The following SLC24A2 variants were observed in gnomAD, a reference collection of about 807,000 sequenced individuals.
SLC24A2 encodes the protein sodium/potassium/calcium exchanger 2.
SLC24A2 carries 36 observed loss-of-function variants against 62.0 expected under a neutral mutation model. The ratio of observed to expected loss-of-function variants is 0.58; its 90% CI spans 0.44 to 0.77. The LOEUF (loss-of-function observed/expected upper bound fraction) is 0.77, where lower values mean the gene tolerates loss of function less well. Among genes scored for constraint, SLC24A2 ranks in the 30% least tolerant of loss-of-function variants. SLC24A2 has a pLI of 0.00. For missense variants in SLC24A2, 846 were observed against 817.9 expected (o/e 1.03, Z -0.42); for synonymous variants, 358 against 294.0 (o/e 1.22, Z -2.23).
At chr9:20,106,715 A>G in the SLC24A2 span, among the ~76,000 whole-genome samples, 1 of 152,210 alleles carries the variant, frequency 6.6e-6, no homozygotes, top group Non-Finnish European at 1.5e-5. Flanking sequence ...AATAAGAGCT[A>G]TCTATGACAA....
the SLC24A2 span, among the ~76,000 whole-genome samples, chr9:20,176,960 TTA>T: frequency 6.6e-6 from 1 of 152,060 alleles, no homozygotes; most frequent in Non-Finnish European, 1.5e-5. Flanking sequence ...CCATTGTTCC[TTA>T]TATGTTTTAA....
At chr9:20,045,513 T>C in the SLC24A2 span, among the ~76,000 whole-genome samples, 110,020 of 151,992 alleles carry the variant, frequency 0.72, 41,582 homozygotes, top group East Asian at 0.95. Context: ...CTTACTGCAA[T>C]CTCTGCCTCC....
intron 10 of SLC24A2, among the ~76,000 whole-genome samples, chr9:19,520,462 A>T (rs796434097): frequency 4.3e-4 from 65 of 152,306 alleles, no homozygotes; most frequent in African/African-American, 1.5e-3. Context: ...TTTTCCAAGG[A>T]AGGAAACAGG....
At chr9:19,843,511 T>TA in the SLC24A2 span, among the ~76,000 whole-genome samples, 1 of 152,098 alleles carries the variant, frequency 6.6e-6, no homozygotes, top group Admixed American at 6.5e-5. Context: ...AAACTCCATA[T>TA]AAAAAAATAA....
the SLC24A2 span, among the ~76,000 whole-genome samples, chr9:20,301,173 TC>T: frequency 2.0e-5 from 3 of 152,210 alleles, no homozygotes; most frequent in Non-Finnish European, 4.4e-5. Flanking sequence ...TCCAGTATCT[TC>T]TTGGCTTCTC....
In SLC24A2 at chr9:19,564,773, A is replaced by G. The variant is rs1257515333; in HGVS notation, c.1347+8578T>C. Among the ~76,000 whole-genome samples, 6 of 152,146 alleles carry G rather than the reference A, an allele frequency of 3.9e-5. No individual in the cohort carries two copies. In the East Asian group the frequency reaches 1.2e-3, roughly 29 times the overall value. ...CAGTTTTTAAAAGTTGAATTTTTAG[A>G]TTTTCGAATCTAAGGAATTTGCAAG... On this transcript the variant is annotated intron_variant, in intron 7 of 10. Coordinates refer to ENST00000341998, the MANE Select transcript of SLC24A2 (RefSeq NM_020344.4).
chr9:19,847,246 G>T, the SLC24A2 span, among the ~76,000 whole-genome samples: 2 of 152,124 alleles, frequency 1.3e-5, no homozygotes, highest in Non-Finnish European at 2.9e-5. Flanking sequence ...CTGTTTATTT[G>T]TTAATTTAAT....
chr9:19,570,634 TAATATC>T (rs879387675), intron 7 of SLC24A2, among the ~76,000 whole-genome samples: 1 of 152,238 alleles, frequency 6.6e-6, no homozygotes, highest in Non-Finnish European at 1.5e-5. Flanking sequence ...TATGAATACA[TAATATC>T]AATATTTAGC....
the SLC24A2 span, among the ~76,000 whole-genome samples, chr9:20,053,729 A>T: frequency 5.3e-5 from 8 of 152,324 alleles, no homozygotes; most frequent in African/African-American, 1.9e-4. Context: ...ACCAGGAAGC[A>T]GGCCCTCACC....
chr9:20,064,952 G>A, the SLC24A2 span, among the ~76,000 whole-genome samples: 1 of 152,142 alleles, frequency 6.6e-6, no homozygotes, highest in Non-Finnish European at 1.5e-5. Context: ...GAGAAGAGGA[G>A]GGACAGGCAG....
At chr9:19,973,076 G>A in the SLC24A2 span, among the ~76,000 whole-genome samples, 10 of 152,168 alleles carry the variant, frequency 6.6e-5, no homozygotes, top group Admixed American at 2.0e-4. Flanking sequence ...AGTGGTGTGC[G>A]ACTGTAGTCC....
intron 2 of SLC24A2, among the ~76,000 whole-genome samples, chr9:19,714,499 T>C (rs1156324037): frequency 1.3e-5 from 2 of 152,252 alleles, no homozygotes; most frequent in African/African-American, 4.8e-5. Context: ...TCTCGTCAAC[T>C]TTTCAGTAGT....
the SLC24A2 span, among the ~76,000 whole-genome samples, chr9:20,024,319 A>G: frequency 6.6e-6 from 1 of 152,226 alleles, no homozygotes; most frequent in Non-Finnish European, 1.5e-5. Context: ...AAGGGCTTAG[A>G]AAAAATAAAC....
At chr9:19,960,099 C>G in the SLC24A2 span, among the ~76,000 whole-genome samples, 2 of 152,296 alleles carry the variant, frequency 1.3e-5, no homozygotes, top group South Asian at 4.2e-4. Context: ...ACCTTGAGGA[C>G]AGAAGGAGTG....
chr9:19,914,952 A>G, the SLC24A2 span, among the ~76,000 whole-genome samples: 1 of 152,128 alleles, frequency 6.6e-6, no homozygotes, highest in Non-Finnish European at 1.5e-5. Context: ...TTTAAAAAAA[A>G]GATTGATATA....
At chr9:20,294,215 T>C in the SLC24A2 span, among the ~76,000 whole-genome samples, 1 of 152,116 alleles carries the variant, frequency 6.6e-6, no homozygotes, top group Non-Finnish European at 1.5e-5. Flanking sequence ...TGCACCCTGC[T>C]GGCCTAGTCT....
At chr9:20,152,595 G>A in the SLC24A2 span, among the ~76,000 whole-genome samples, 1 of 151,834 alleles carries the variant, frequency 6.6e-6, no homozygotes, top group Non-Finnish European at 1.5e-5. Flanking sequence ...TTGAATTCTA[G>A]AACTATTAAA....
At chr9:20,195,558 A>T in the SLC24A2 span, among the ~76,000 whole-genome samples, 5 of 152,076 alleles carry the variant, frequency 3.3e-5, no homozygotes, top group South Asian at 8.3e-4. Flanking sequence ...TTTGTAAGTT[A>T]TTCATATATA....
chr9:19,651,446 G>C (rs1444310645), intron 2 of SLC24A2, among the ~76,000 whole-genome samples: 1 of 152,142 alleles, frequency 6.6e-6, no homozygotes, highest in African/African-American at 2.4e-5. Context: ...GTCTAACTTT[G>C]AACCCATGTT....
Sources: allele counts gnomAD v4.1 joint callset (sites outside exome capture counted in the v4.1 genomes callset), GRCh38; gene constraint gnomAD v4.1.1; transcripts MANE v1.5; gene names NCBI Gene and HGNC (gene_info 2026-07-23, HGNC 2026-07-21).